The following WDR19 variants were observed in gnomAD, a reference collection of about 807,000 sequenced individuals.
WDR19 encodes WD repeat domain 19.
WDR19 carries 121 observed loss-of-function variants against 180.0 expected under a neutral mutation model. That is an observed-to-expected ratio of 0.67 (90% CI 0.58 to 0.78). The LOEUF is 0.78. WDR19 is among the 30% of genes least tolerant of loss of function. WDR19 has a pLI of 0.00. For synonymous variants in WDR19, 497 were observed against 540.7 expected (o/e 0.92, Z 1.12); for missense variants, 1,450 against 1,640.7 (o/e 0.88, Z 2.01).
intron 4 of WDR19, among the ~76,000 whole-genome samples, chr4:39,191,990 G>C (rs1018028119): frequency 2.0e-5 from 3 of 152,146 alleles, no homozygotes; most frequent in Non-Finnish European, 2.9e-5. Context: ...ATTTGCAAGG[G>C]TTTCTACGGG....
intron 24 of WDR19, 113 bp from the exon 25 acceptor site, chr4:39,253,033 G>A: frequency 9.5e-7 from 1 of 1,054,246 alleles, no homozygotes; most frequent in Non-Finnish European, 1.3e-6. Context: ...AGAAGTTCAG[G>A]AAAAATAAGC....
intron 24 of WDR19, among the ~76,000 whole-genome samples, chr4:39,246,788 C>G (rs1343008650): frequency 1.3e-5 from 2 of 152,174 alleles, no homozygotes; most frequent in Admixed American, 1.3e-4. Context: ...AACTGCAAGG[C>G]AGCAGAAAGG....
chr4:39,196,481 A>G (rs1015224160), intron 5 of WDR19, among the ~76,000 whole-genome samples: 3 of 152,028 alleles, frequency 2.0e-5, no homozygotes, highest in Non-Finnish European at 2.9e-5. Flanking sequence ...TTTCTTTCTC[A>G]TACTCTCCAT....
chr4:39,248,619 A>C (rs1039336027), intron 24 of WDR19, among the ~76,000 whole-genome samples: 6 of 152,204 alleles, frequency 3.9e-5, no homozygotes, highest in African/African-American at 1.2e-4. Flanking sequence ...TCTCACGTGC[A>C]GAGACACACA....
At chr4:39,221,785 GTT>G (rs1271815659) in intron 14 of WDR19, among the ~76,000 whole-genome samples, 1 of 152,038 alleles carries the variant, frequency 6.6e-6, no homozygotes, top group Non-Finnish European at 1.5e-5. Flanking sequence ...ACTACTTTTT[GTT>G]TGTCTTTTAT....
chr4:39,187,310 C>G (rs1053120459), intron 3 of WDR19, among the ~76,000 whole-genome samples: 1 of 151,068 alleles, frequency 6.6e-6, no homozygotes, highest in Non-Finnish European at 1.5e-5. Flanking sequence ...GTCCCAGCTA[C>G]TTGGGAGGCT....
At position 39,198,870 on chromosome 4, in the gene WDR19, C is replaced by T. The variant is rs1364277900; in HGVS notation, c.407-608C>T. On this transcript the variant is annotated intron_variant, in intron 5 of 36. Coordinates refer to ENST00000399820, the MANE Select transcript of WDR19 (RefSeq NM_025132.4). ...TAAAAATTAGTTGGGTGTGGTGGCT[C>T]GCCTGTAGTCCCAGCTACTTGGGAG... 5.3e-5 allele frequency among the ~76,000 whole-genome samples: 8 copies of T among 151,794 alleles called. No individual in the cohort carries two copies. In the East Asian group the frequency reaches 5.8e-4, roughly 11 times the overall value.
chr4:39,274,942 A>T lies in WDR19; in HGVS notation c.3700A>T (p.Ile1234Phe). Reference protein sequence around the residue: ...SKIDAKYKKKIEGMVRRPDIS... With the variant: ...SKIDAKYKKKFEGMVRRPDIS... ...AATAGATGCCAAATACAAAAAGAAG[A>T]TCGAGGGAATGGTCAGGTAGGCAGA... Residue 1234 changes from isoleucine (I) to phenylalanine (F), a missense_variant, in exon 33 of 37, where the codon ATC becomes TTC. Transcript: ENST00000399820. 2 of 1,614,034 alleles carry T rather than the reference A, an allele frequency of 1.2e-6. No homozygotes were observed. The highest frequency in any genetic ancestry group is 2.2e-5 in the South Asian group (2 of 91,084).
intron 25 of WDR19, 107 bp from the exon 26 acceptor site, chr4:39,253,799 C>G: frequency 1.1e-6 from 1 of 907,148 alleles, no homozygotes; most frequent in African/African-American, 1.7e-5. Flanking sequence ...AAAAGAACTG[C>G]AATTTATCTA....
At position 39,228,151 on chromosome 4, in the gene WDR19, G is replaced by A. The variant is rs11730558; in HGVS notation, c.1630-59G>A. The A allele has an allele frequency of 0.31, 494,236 of 1,581,186 alleles. 78,153 individuals are homozygous for A. Among genetic ancestry groups the A allele is most frequent in the African/African-American group, 0.36 (27,009 of 74,482 alleles). The stretch of plus-strand genomic sequence containing the variant: ...AAGGCTGCAAACAGGCTTCTACCAC[G>A]GCAAATGATAATGATTCAAGTACAG... On this transcript the variant is annotated intron_variant, in intron 15 of 36. Coordinates refer to ENST00000399820, the MANE Select transcript of WDR19 (RefSeq NM_025132.4).
chr4:39,188,444 G>A lies in WDR19; in HGVS notation c.165-1212G>A, dbSNP rs566179498. 1.1e-3 allele frequency among the ~76,000 whole-genome samples: 164 copies of A among 151,716 alleles called. 1 individual carries two copies. The highest frequency in any genetic ancestry group is 3.7e-3 in the African/African-American group (154 of 41,420). On this transcript the variant is annotated intron_variant, in intron 3 of 36. Coordinates refer to ENST00000399820, the MANE Select transcript of WDR19 (RefSeq NM_025132.4). Reference sequence around the variant, plus strand: ...AAAATGAAAATAATGACCAGGCACAGGGGCTCACACCTGTAATCCCAGTAC... The same window carrying A: ...AAAATGAAAATAATGACCAGGCACAAGGGCTCACACCTGTAATCCCAGTAC...
At chr4:39,263,940 T>A (rs888257150) in intron 28 of WDR19, among the ~76,000 whole-genome samples, 6 of 117,588 alleles carry the variant, frequency 5.1e-5, no homozygotes, top group Non-Finnish European at 9.4e-5. Context: ...AAAAAAAAAA[T>A]AGGGACACCT....
chr4:39,260,256 T>C (rs1456394676), intron 28 of WDR19, among the ~76,000 whole-genome samples: 2 of 152,152 alleles, frequency 1.3e-5, no homozygotes, highest in African/African-American at 4.8e-5. Context: ...ATATGGATGA[T>C]ATTTCTGTAA....
chr4:39,222,511 T>C (rs2109343674), intron 14 of WDR19, among the ~76,000 whole-genome samples: 1 of 152,316 alleles, frequency 6.6e-6, no homozygotes, highest in South Asian at 2.1e-4. Flanking sequence ...CAAAATTTTT[T>C]CCTATGTTTT....
chr4:39,282,433 T>C (rs1736635169), intron 36 of WDR19, among the ~76,000 whole-genome samples: 1 of 152,326 alleles, frequency 6.6e-6, no homozygotes, highest in Non-Finnish European at 1.5e-5. Context: ...GTTTCACTCT[T>C]GTCGCCCAGG....
At chr4:39,187,054 T>C (rs1725634391) in intron 3 of WDR19, among the ~76,000 whole-genome samples, 1 of 152,188 alleles carries the variant, frequency 6.6e-6, no homozygotes, top group South Asian at 2.1e-4. Flanking sequence ...CTAAGCATAA[T>C]TGAAGCATTT....
chr4:39,185,884 G>T, intron 2 of WDR19, 67 bp downstream of exon 2: 9 of 1,252,792 alleles, frequency 7.2e-6, no homozygotes, highest in Non-Finnish European at 8.6e-6. Flanking sequence ...CTACTCAGTA[G>T]AAGTTTTTTT....
At chr4:39,200,256 G>T (rs1727233950) in intron 6 of WDR19, among the ~76,000 whole-genome samples, 1 of 152,194 alleles carries the variant, frequency 6.6e-6, no homozygotes, top group Admixed American at 6.5e-5. Context: ...ATGAAATATG[G>T]CTCTGTATTA....
Position 39,278,559 on chromosome 4 carries a change from CAT to C in WDR19, c.3939_3940del (p.Cys1314SerfsTer55). Reference sequence around the variant, plus strand: ...AACAGCATGCTAAACACTGAAAGCACATGTCCTATGTGTTCAGAAAGATTAAA... The same window carrying C: ...AACAGCATGCTAAACACTGAAAGCACGTCCTATGTGTTCAGAAAGATTAAA... On this transcript the variant is annotated frameshift_variant, in exon 36 of 37. Transcript: ENST00000399820. LOFTEE classifies it high-confidence loss of function. 6.2e-7 allele frequency: 1 copy of C among 1,612,998 alleles called. No individual in the cohort carries two copies. The highest frequency in any genetic ancestry group is 8.5e-7 in the Non-Finnish European group (1 of 1,179,228).
Sources: allele counts gnomAD v4.1 joint callset (sites outside exome capture counted in the v4.1 genomes callset), GRCh38; gene constraint gnomAD v4.1.1; transcripts MANE v1.5; gene names NCBI Gene and HGNC (gene_info 2026-07-23, HGNC 2026-07-21).